SYN3: variants seen among roughly 807,000 people sequenced by gnomAD.
SYN3 encodes synapsin III.
SYN3 carries 35 observed loss-of-function variants against 65.8 expected under a neutral mutation model. That is an observed-to-expected ratio of 0.53 (90% confidence interval 0.41 to 0.70). SYN3 has a LOEUF of 0.70. Ranked by LOEUF, SYN3 falls within the 30% of genes least tolerant of loss-of-function variation. The pLI, the probability that SYN3 is intolerant of heterozygous loss-of-function variation, is 0.00. For missense variants in SYN3, 680 were observed against 749.0 expected, an observed-to-expected ratio of 0.91 and a Z score of 1.08; for synonymous variants, 270 against 292.9, an observed-to-expected ratio of 0.92 and a Z score of 0.80.
intron 6 of SYN3, among the ~76,000 whole-genome samples, chr22:32,728,698 T>C (rs1288098394): frequency 6.6e-6 from 1 of 152,212 alleles, no homozygotes; most frequent in Non-Finnish European, 1.5e-5. Context: ...CTGAGTTGGT[T>C]ACCCTTGAGG....
intron 6 of SYN3, among the ~76,000 whole-genome samples, chr22:32,794,001 A>G (rs2046375845): frequency 6.6e-6 from 1 of 152,224 alleles, no homozygotes; most frequent in East Asian, 1.9e-4. Context: ...GAAGAGAAGG[A>G]TGGAGTGGCC....
intron 6 of SYN3, among the ~76,000 whole-genome samples, chr22:32,841,184 G>A (rs149457977): frequency 4.6e-5 from 7 of 152,278 alleles, no homozygotes; most frequent in Admixed American, 1.3e-4. Context: ...GGCACTCTTC[G>A]GGCAGCTTTG....
At chr22:32,612,621 C>A (rs540236224) in intron 6 of SYN3, among the ~76,000 whole-genome samples, 1 of 152,202 alleles carries the variant, frequency 6.6e-6, no homozygotes, top group African/African-American at 2.4e-5. Context: ...GCAGGAGGAT[C>A]GCTTAAGGCC....
chr22:32,546,082 C>T (rs1160875741), intron 7 of SYN3, among the ~76,000 whole-genome samples: 1 of 152,168 alleles, frequency 6.6e-6, no homozygotes, highest in African/African-American at 2.4e-5. Context: ...GGCGTCACCA[C>T]ATCCAGCTGA....
At chr22:32,596,609 A>AGGAACAGG in intron 7 of SYN3, 65 bp downstream of exon 7, 1 of 1,546,802 alleles carries the variant, frequency 6.5e-7, no homozygotes, top group Non-Finnish European at 8.9e-7. Flanking sequence ...AGAGGGAGAG[A>AGGAACAGG]GGAACAGGTA....
chr22:32,531,147 T>TAAAAA (rs1569009453), intron 10 of SYN3, among the ~76,000 whole-genome samples: 1 of 34,762 alleles, frequency 2.9e-5, no homozygotes, highest in African/African-American at 1.7e-4. Flanking sequence ...AGACCCCGTC[T>TAAAAA]CAAAAAAAAA....
At chr22:32,814,313 G>A (rs866280634) in intron 6 of SYN3, among the ~76,000 whole-genome samples, 1 of 39,672 alleles carries the variant, frequency 2.5e-5, no homozygotes, top group Non-Finnish European at 4.6e-5. Context: ...GAGAGAGAGA[G>A]AGACAGAAAG....
chr22:32,990,025 G>C (rs2052649438), intron 2 of SYN3, among the ~76,000 whole-genome samples: 1 of 152,046 alleles, frequency 6.6e-6, no homozygotes. Flanking sequence ...TCTACTAAGG[G>C]CCCAACTGGG....
chr22:33,006,339 A>G lies in SYN3; in HGVS notation c.311+13T>C. Reference sequence around the variant, plus strand: ...GCCCCAGAAGGTGGTAGCACTTGCAAATTCCTACTTACCAGTCTGTATGGG... The same window carrying G: ...GCCCCAGAAGGTGGTAGCACTTGCAGATTCCTACTTACCAGTCTGTATGGG... On this transcript the variant is annotated intron_variant, in intron 2 of 13. Coordinates refer to ENST00000358763, the MANE Select transcript of SYN3 (RefSeq NM_003490.4). 4 of 1,582,452 alleles carry G rather than the reference A, an allele frequency of 2.5e-6. No individual in the cohort carries two copies. Among genetic ancestry groups the G allele is most frequent in the Non-Finnish European group, 3.4e-6 (4 of 1,161,238 alleles).
intron 7 of SYN3, among the ~76,000 whole-genome samples, chr22:32,553,499 G>C (rs2058446451): frequency 6.6e-6 from 1 of 152,146 alleles, no homozygotes; most frequent in African/African-American, 2.4e-5. Context: ...ATAATGTAAG[G>C]TGATAGAAAT....
chr22:32,986,648 T>C (rs113558063), intron 2 of SYN3, among the ~76,000 whole-genome samples: 43 of 152,158 alleles, frequency 2.8e-4, no homozygotes, highest in Middle Eastern at 6.8e-3. Context: ...GGGGCTGGGG[T>C]TGCTGCCTCT....
chr22:32,923,159 A>T (rs1402481908), intron 4 of SYN3, among the ~76,000 whole-genome samples: 1 of 152,100 alleles, frequency 6.6e-6, no homozygotes, highest in Non-Finnish European at 1.5e-5. Context: ...CTATGGCTGG[A>T]GTCTTGAGAA....
At chr22:32,673,308 C>T (rs2060396884) in intron 6 of SYN3, among the ~76,000 whole-genome samples, 1 of 152,204 alleles carries the variant, frequency 6.6e-6, no homozygotes, top group Non-Finnish European at 1.5e-5. Context: ...GCTTCTCCTT[C>T]TCACTATCTC....
chr22:32,737,536 A>G (rs541848442), intron 6 of SYN3, among the ~76,000 whole-genome samples: 10 of 152,064 alleles, frequency 6.6e-5, no homozygotes, highest in South Asian at 6.2e-4. Context: ...TCACTGTTCA[A>G]TTCCCACCTA....
chr22:32,592,222 A>G (rs1271586005), intron 7 of SYN3, among the ~76,000 whole-genome samples: 1 of 152,202 alleles, frequency 6.6e-6, no homozygotes, highest in Non-Finnish European at 1.5e-5. Context: ...GATGTCTAGC[A>G]GCATCCCTGG....
intron 3 of SYN3, among the ~76,000 whole-genome samples, chr22:32,963,670 T>C (rs1387643690): frequency 6.6e-6 from 1 of 152,114 alleles, no homozygotes; most frequent in African/African-American, 2.4e-5. Flanking sequence ...ATGTCTCTCA[T>C]GGGGACCACT....
Position 32,951,848 on chromosome 22 carries a change from T to C in SYN3, c.370-20367A>G, listed in dbSNP as rs550093622. 3.9e-5 allele frequency among the ~76,000 whole-genome samples: 6 copies of C among 152,344 alleles called. No individual in the cohort carries two copies. In the South Asian group the frequency reaches 8.3e-4, roughly 21 times the overall value. On this transcript the variant is annotated intron_variant, in intron 3 of 13. Transcript: ENST00000358763. The stretch of plus-strand genomic sequence containing the variant: ...CCCTTGTCTTTCACCTTCCCGGTCT[T>C]GTGCACACCAGTTTGCAGCATCTGT...
intron 4 of SYN3, among the ~76,000 whole-genome samples, chr22:32,893,668 T>C (rs2049511746): frequency 6.6e-6 from 1 of 152,042 alleles, no homozygotes; most frequent in South Asian, 2.1e-4. Context: ...ACCCAACTGG[T>C]CCACACCTCC....
At chr22:33,032,391 GC>G (rs1297481654) in intron 1 of SYN3, among the ~76,000 whole-genome samples, 1 of 151,964 alleles carries the variant, frequency 6.6e-6, no homozygotes, top group Non-Finnish European at 1.5e-5. Context: ...ACCTGTAATA[GC>G]TACTTGGGAG....
Sources: gnomAD v4.1 joint callset for allele counts (sites outside exome capture counted in the v4.1 genomes callset) on GRCh38, gnomAD v4.1.1 for gene constraint, MANE v1.5 for transcripts, NCBI Gene and HGNC (gene_info 2026-07-23, HGNC 2026-07-21) for gene names.